The following MOK variants were observed in gnomAD, a reference collection of about 807,000 sequenced individuals.
MOK encodes the protein MAPK/MAK/MRK overlapping kinase.
Under a neutral mutation model 54.2 loss-of-function variants are expected in MOK, and 59 were observed. That is an observed-to-expected ratio of 1.09 (90% confidence interval 0.88 to 1.35). MOK has a LOEUF of 1.35. Ranked by LOEUF, MOK falls within the 40% of genes most tolerant of loss-of-function variation. MOK has a pLI of 0.00. For missense variants in MOK, 517 were observed against 526.2 expected, an observed-to-expected ratio of 0.98 and a Z score of 0.17; for synonymous variants, 210 against 202.7, an observed-to-expected ratio of 1.04 and a Z score of -0.31.
intron 1 of MOK, among the ~76,000 whole-genome samples, chr14:102,299,026 C>G (rs561957248): frequency 6.6e-6 from 1 of 152,308 alleles, no homozygotes; most frequent in South Asian, 2.1e-4. Flanking sequence ...GAACAAACTC[C>G]AGACACACTG....
chr14:102,225,124 G>A (rs1141555), downstream of MOK: 5 of 259,854 alleles, frequency 1.9e-5, no homozygotes, highest in Admixed American at 1.0e-4. Context: ...GAAGTGGTGC[G>A]ATCATAGCTC....
At chr14:102,286,918 T>TAAC (rs2070176247) in intron 1 of MOK, among the ~76,000 whole-genome samples, 1 of 133,072 alleles carries the variant, frequency 7.5e-6, no homozygotes, top group Non-Finnish European at 1.6e-5. Context: ...TCAAAAATAA[T>TAAC]AATAATAATA....
downstream of MOK, among the ~76,000 whole-genome samples, chr14:102,220,580 C>T (rs1041437081): frequency 2.9e-4 from 44 of 151,906 alleles, no homozygotes; most frequent in Admixed American, 2.6e-3. The surrounding 1 kb of genome is among the most constrained non-coding windows in gnomAD (Gnocchi z 4.2). Context: ...GTTAGCTGGG[C>T]GTGGTGGCAG....
intron 4 of MOK, 74 bp downstream of exon 4, chr14:102,263,472 A>G (rs2067641010): frequency 9.3e-7 from 1 of 1,073,510 alleles, no homozygotes; most frequent in Non-Finnish European, 1.4e-6. Flanking sequence ...AATGATGTTG[A>G]GAATAACTAA....
chr14:102,264,210 C>CA (rs66463478), intron 3 of MOK: 2,505 of 88,204 alleles, frequency 0.028, 38 homozygotes, highest in East Asian at 0.14. Flanking sequence ...GACCCTGTCT[C>CA]AAAAAAAAAA....
downstream of MOK, chr14:102,224,890 TAA>T (rs1456182617): frequency 6.0e-5 from 26 of 431,648 alleles, no homozygotes; most frequent in South Asian, 4.3e-4. Flanking sequence ...ACCTCTGTAT[TAA>T]AATAAGATAT....
At chr14:102,290,468 A>C (rs971247937) in intron 1 of MOK, among the ~76,000 whole-genome samples, 2 of 151,822 alleles carry the variant, frequency 1.3e-5, no homozygotes, top group Non-Finnish European at 2.9e-5. Context: ...ACAAACAAAC[A>C]AAAAAAATAG....
At position 102,229,452 on chromosome 14, in the gene MOK, G is replaced by A. The variant is rs943027475; in HGVS notation, c.1182+5C>T. ...GCGCCGTCAGAGAAGCTGGTTCCGC[G>A]CTACCTTCTTGCTCGCAGGGATGCA... On this transcript the variant is annotated splice_donor_5th_base_variant and intron_variant, in intron 11 of 11. Transcript: ENST00000361847. The A allele has an allele frequency of 1.9e-6, 3 of 1,614,196 alleles. No homozygotes were observed. The highest frequency in any genetic ancestry group is 1.7e-6 in the Non-Finnish European group (2 of 1,180,028).
chr14:102,256,008 AG>A (rs1487309269), intron 4 of MOK, among the ~76,000 whole-genome samples: 2 of 152,240 alleles, frequency 1.3e-5, no homozygotes, highest in Non-Finnish European at 2.9e-5. Flanking sequence ...CTGCCACTGT[AG>A]CCTGCAGAAT....
chr14:102,270,806 GA>G (rs1258461335), intron 2 of MOK, among the ~76,000 whole-genome samples: 1 of 152,154 alleles, frequency 6.6e-6, no homozygotes, highest in East Asian at 1.9e-4. Context: ...AACAGATGAT[GA>G]AAGTGTTCTA....
chr14:102,282,146 C>T (rs1185981333), intron 2 of MOK, among the ~76,000 whole-genome samples: 1 of 152,092 alleles, frequency 6.6e-6, no homozygotes, highest in East Asian at 1.9e-4. Flanking sequence ...GTGGCTCACA[C>T]CTATAATTCC....
intron 4 of MOK, among the ~76,000 whole-genome samples, chr14:102,255,397 T>C (rs2066870630): frequency 6.6e-6 from 1 of 152,128 alleles, no homozygotes; most frequent in Admixed American, 6.5e-5. Flanking sequence ...CAAACGGGCA[T>C]GCGGGCCAGG....
At chr14:102,215,308 A>G in the MOK span, among the ~76,000 whole-genome samples, 1 of 152,276 alleles carries the variant, frequency 6.6e-6, no homozygotes, top group East Asian at 1.9e-4. Flanking sequence ...CTGTTTAATG[A>G]GAATGCAGAC....
At position 102,232,375 on chromosome 14, in the gene MOK, G is replaced by A. The variant is rs1223231679; in HGVS notation, c.866+160C>T. 35 of 726,132 alleles carry A rather than the reference G, an allele frequency of 4.8e-5. No individual in the cohort carries two copies. Among genetic ancestry groups the A allele is most frequent in the East Asian group, 1.1e-4 (4 of 36,528 alleles). 45.0% of individuals were successfully genotyped at this position (726,132 alleles called of 1,614,324 possible). On this transcript the variant is annotated intron_variant, in intron 9 of 11. Coordinates refer to ENST00000361847, the MANE Select transcript of MOK (RefSeq NM_014226.3). This position sits in a 1 kb window ranked among gnomAD's most constrained non-coding sequence, Gnocchi z 5.1. The stretch of plus-strand genomic sequence containing the variant: ...GGGAGGATACACCAGAAGGCAGCAC[G>A]GTGTGGGCCCCAAGAGGCCCTGACC...
rs116778030 is a variant in MOK at position 102,257,082 on chromosome 14, T to A, written c.284-5087A>T. Among the ~76,000 whole-genome samples, 689 of 150,998 alleles carry A rather than the reference T, an allele frequency of 4.6e-3. 6 individuals are homozygous for A. Among genetic ancestry groups the A allele is most frequent in the African/African-American group, 0.016 (639 of 41,044 alleles). ...ACACCCGCAGATTGGCTTGCTCAGGTCCTATCCCAAACCCCCATCTAGCAT... is the reference window on the plus strand; with the variant it reads ...ACACCCGCAGATTGGCTTGCTCAGGACCTATCCCAAACCCCCATCTAGCAT... On this transcript the variant is annotated intron_variant, in intron 4 of 11. Coordinates refer to ENST00000361847, the MANE Select transcript of MOK (RefSeq NM_014226.3).
chr14:102,263,420 C>T, intron 4 of MOK, 126 bp downstream of exon 4: 1 of 609,164 alleles, frequency 1.6e-6, no homozygotes. Flanking sequence ...ATGAAGTGAC[C>T]CTGTACTGTG....
At chr14:102,277,926 G>A (rs745658869) in intron 2 of MOK, among the ~76,000 whole-genome samples, 48 of 152,132 alleles carry the variant, frequency 3.2e-4, no homozygotes, top group Non-Finnish European at 4.9e-4. Flanking sequence ...AAATTCATAC[G>A]TTGAAACCCT....
chr14:102,271,635 T>A (rs1379125676), intron 2 of MOK, among the ~76,000 whole-genome samples: 1 of 152,112 alleles, frequency 6.6e-6, no homozygotes, highest in African/African-American at 2.4e-5. Flanking sequence ...CTCGGCTCAC[T>A]GCAAACTCTG....
intron 1 of MOK, among the ~76,000 whole-genome samples, chr14:102,297,994 G>A (rs982713159): frequency 1.3e-5 from 2 of 152,206 alleles, no homozygotes; most frequent in African/African-American, 4.8e-5. Context: ...CTCCTGCGCA[G>A]CCCAAGCCTC....
Sources: allele counts gnomAD v4.1 joint callset (sites outside exome capture counted in the v4.1 genomes callset), GRCh38; gene constraint gnomAD v4.1.1; non-coding constraint Gnocchi (gnomAD v3.1); transcripts MANE v1.5; gene names NCBI Gene and HGNC (gene_info 2026-07-23, HGNC 2026-07-21).